Variants in PPARD observed in about 807,000 individuals in gnomAD.
PPARD encodes peroxisome proliferator activated receptor delta.
PPARD carries 6 observed loss-of-function variants against 39.5 expected under a neutral mutation model. The observed-to-expected ratio is 0.15, with a 90% CI of 0.08 to 0.30. The LOEUF (loss-of-function observed/expected upper bound fraction) is 0.30, where lower values mean the gene tolerates loss of function less well. Among genes scored for constraint, PPARD ranks in the 10% least tolerant of loss-of-function variants. PPARD has a pLI of 1.00. For synonymous variants in PPARD, 210 were observed against 231.3 expected, an observed-to-expected ratio of 0.91 and a Z score of 0.83; for missense variants, 397 against 596.8, an observed-to-expected ratio of 0.67 and a Z score of 3.49.
At position 35,385,664 on chromosome 6, in the gene PPARD, A is replaced by C. The variant is rs1373060674; in HGVS notation, c.-101-25323A>C. Among the ~76,000 whole-genome samples the C allele has an allele frequency of 7.9e-5, 12 of 151,002 alleles. No individual in the cohort carries two copies. The South Asian group carries it at 8.4e-4, about 11-fold the overall frequency. ...ATAAATTTAAAAAAAAAAAAAAAAA[A>C]AAACAAATGGGTAACTTGCTGCCTG... is the stretch of plus-strand genomic sequence containing the variant. On this transcript the variant is annotated intron_variant, in intron 2 of 7. Coordinates refer to ENST00000360694, the MANE Select transcript of PPARD (RefSeq NM_006238.5).
chr6:35,357,927 T>C (rs1761714518), intron 2 of PPARD, among the ~76,000 whole-genome samples: 1 of 152,216 alleles, frequency 6.6e-6, no homozygotes, highest in South Asian at 2.1e-4. Context: ...ACTTCTTTCA[T>C]GTGGACCAGG....
At chr6:35,361,435 G>T (rs986383508) in intron 2 of PPARD, among the ~76,000 whole-genome samples, 41 of 152,256 alleles carry the variant, frequency 2.7e-4, no homozygotes, top group African/African-American at 9.9e-4. Context: ...GTCACCTGAG[G>T]TCAGGCATTT....
chr6:35,345,533 C>T (rs1792117939), intron 1 of PPARD, among the ~76,000 whole-genome samples: 1 of 152,208 alleles, frequency 6.6e-6, no homozygotes, highest in Non-Finnish European at 1.5e-5. Context: ...TCACCTTGGC[C>T]TCTCAGAGCA....
rs1764064101 is a variant in PPARD at position 35,392,443 on chromosome 6, A to G, written c.-101-18544A>G. 2.6e-5 allele frequency among the ~76,000 whole-genome samples: 4 copies of G among 152,008 alleles called. No homozygotes were observed. The South Asian group carries it at 8.3e-4, about 31-fold the overall frequency. On this transcript the variant is annotated intron_variant, in intron 2 of 7. Transcript: ENST00000360694. The stretch of plus-strand genomic sequence containing the variant: ...CCTCCGCCTGCCCAGACTGGGAAGT[A>G]CAGGCTGCACATACCTGGCACTGGC...
chr6:35,364,431 CT>C (rs529866520), intron 2 of PPARD, among the ~76,000 whole-genome samples: 2,494 of 127,136 alleles, frequency 0.02, 27 homozygotes, highest in African/African-American at 0.05. Flanking sequence ...CCATGTTTAA[CT>C]TTTTTTTTTT....
rs1766428138 is a variant in PPARD at position 35,424,378 on chromosome 6, T to C, written c.677T>C (p.Leu226Pro). 1 of 1,613,696 alleles carries C rather than the reference T, an allele frequency of 6.2e-7. No homozygotes were observed. Among genetic ancestry groups the C allele is most frequent in the Non-Finnish European group, 8.5e-7 (1 of 1,179,722 alleles). ...ACATTGTGGCAGGCAGAGAAGGGGC[T>C]GGTGTGGAAGCAGTTGGTGAATGGC... is the stretch of plus-strand genomic sequence containing the variant. ...IETLWQAEKG[L>P]VWKQLVNGLP... The change falls in exon 7 of 8, where the codon CTG becomes CCG. Residue 226 changes from leucine (L) to proline (P), a missense_variant. Physicochemically the swap from Leu to Pro is moderately conservative, Grantham distance 98. Transcript: ENST00000360694. This position sits in a 1 kb window ranked among gnomAD's most constrained non-coding sequence, Gnocchi z 7.1.
intron 2 of PPARD, among the ~76,000 whole-genome samples, chr6:35,365,130 C>CCTTTTTTTTTTT (rs1281072287): frequency 8.3e-6 from 1 of 121,088 alleles, no homozygotes; most frequent in African/African-American, 3.4e-5. Context: ...CTTCCTTATT[C>CCTTTTTTTTTTT]TTTTTTTTTT....
At chr6:35,421,594 C>T (rs1030511630) in intron 4 of PPARD, among the ~76,000 whole-genome samples, 8 of 152,102 alleles carry the variant, frequency 5.3e-5, no homozygotes, top group African/African-American at 1.9e-4. Flanking sequence ...CCCACCTCGG[C>T]CTCTCAAAGT....
intron 2 of PPARD, chr6:35,348,832 C>T: frequency 1.0e-6 from 1 of 985,356 alleles, no homozygotes; most frequent in Non-Finnish European, 1.2e-6. Context: ...TTCTGAGGTT[C>T]CCCAAGAGGG....
chr6:35,411,860 T>C (rs1277709097), intron 3 of PPARD, among the ~76,000 whole-genome samples: 2 of 152,194 alleles, frequency 1.3e-5, no homozygotes, highest in African/African-American at 2.4e-5. Context: ...CATCATGTTA[T>C]GTTTACCTTC....
At position 35,389,077 on chromosome 6, in the gene PPARD, C is replaced by T. The variant is rs9658102; in HGVS notation, c.-101-21910C>T. On this transcript the variant is annotated intron_variant, in intron 2 of 7. Coordinates refer to ENST00000360694, the MANE Select transcript of PPARD (RefSeq NM_006238.5). ...CCTGTAATCCCAGTACTTTGGGAGG[C>T]TGAGGTGGGAGGATAGCTTGAGCCT... 1.3e-3 allele frequency among the ~76,000 whole-genome samples: 192 copies of T among 152,248 alleles called. 1 individual carries two copies. In the East Asian group the frequency reaches 0.034, roughly 27 times the overall value.
intron 2 of PPARD, among the ~76,000 whole-genome samples, chr6:35,373,365 G>A (rs1387190997): frequency 1.3e-5 from 2 of 152,152 alleles, no homozygotes; most frequent in Non-Finnish European, 2.9e-5. Context: ...ATTAGGTATC[G>A]CTATTATAGA....
At chr6:35,369,358 A>T (rs962957723) in intron 2 of PPARD, among the ~76,000 whole-genome samples, 7 of 152,198 alleles carry the variant, frequency 4.6e-5, no homozygotes, top group Non-Finnish European at 8.8e-5. Flanking sequence ...GGTTTTTAGT[A>T]TTTACAGAGT....
intron 2 of PPARD, among the ~76,000 whole-genome samples, chr6:35,405,407 C>T (rs1055308425): frequency 1.3e-5 from 2 of 152,044 alleles, no homozygotes; most frequent in Non-Finnish European, 2.9e-5. Flanking sequence ...TTGCTGCATT[C>T]GTGCCCCCTC....
rs112360196 is a variant in PPARD, at chr6:35,416,385, A to C, written c.131-3742A>C. On this transcript the variant is annotated intron_variant, in intron 3 of 7. Transcript: ENST00000360694. ...GCGAGACTTCATCTCAAAAAAAAAA[A>C]AAAAAAAAAAAAAAAAAAAAAAAAA... 2.6e-3 allele frequency among the ~76,000 whole-genome samples: 337 copies of C among 131,412 alleles called. 1 individual carries two copies. The highest frequency in any genetic ancestry group is 7.3e-3 in the African/African-American group (219 of 30,138). The allele number at this position is 131,412 out of a possible 152,430, so 86.2% of individuals were successfully genotyped here.
chr6:35,365,387 G>A (rs1409288111), intron 2 of PPARD, among the ~76,000 whole-genome samples: 9 of 150,212 alleles, frequency 6.0e-5, no homozygotes, highest in South Asian at 2.1e-4. Flanking sequence ...TGATCCGCCC[G>A]CCTCGGCCTC....
intron 3 of PPARD, 117 bp downstream of exon 3, chr6:35,411,334 A>T: frequency 7.9e-7 from 1 of 1,258,730 alleles, no homozygotes; most frequent in African/African-American, 1.5e-5. Context: ...GTGCTGAAGG[A>T]CTGGAGCCGG....
chr6:35,377,832 A>C (rs1762899066), intron 2 of PPARD, among the ~76,000 whole-genome samples: 1 of 147,040 alleles, frequency 6.8e-6, no homozygotes, highest in African/African-American at 2.6e-5. Context: ...CTCTGTCTGT[A>C]GTAACTATCA....
intron 2 of PPARD, among the ~76,000 whole-genome samples, chr6:35,395,293 A>G (rs149671191): frequency 4.6e-5 from 7 of 152,298 alleles, no homozygotes; most frequent in Non-Finnish European, 8.8e-5. Context: ...AAAACCCTCA[A>G]AGAGCTCTAA....
Sources: allele counts gnomAD v4.1 joint callset (sites outside exome capture counted in the v4.1 genomes callset), GRCh38; gene constraint gnomAD v4.1.1; non-coding constraint Gnocchi (gnomAD v3.1); transcripts MANE v1.5; gene names NCBI Gene and HGNC (gene_info 2026-07-23, HGNC 2026-07-21).